DNAJC7: variants seen among roughly 807,000 people sequenced by gnomAD.
The protein encoded by DNAJC7 is DnaJ heat shock protein family (Hsp40) member C7.
DNAJC7 carries 18 observed loss-of-function variants against 67.4 expected under a neutral mutation model. The ratio of observed to expected loss-of-function variants is 0.27; its 90% CI spans 0.18 to 0.40. The LOEUF (loss-of-function observed/expected upper bound fraction) is 0.40. Ranked by LOEUF, DNAJC7 falls within the 10% of genes least tolerant of loss-of-function variation. The pLI, the probability that DNAJC7 is intolerant of heterozygous loss-of-function variation, is 1.00. For missense variants in DNAJC7, 419 were observed against 613.8 expected, an observed-to-expected ratio of 0.68 and a Z score of 3.35; for synonymous variants, 220 against 207.8, an observed-to-expected ratio of 1.06 and a Z score of -0.50.
At chr17:41,982,566 G>C (rs1226533448) in intron 10 of DNAJC7, among the ~76,000 whole-genome samples, 165 bp from the exon 11 acceptor site, 1 of 152,140 alleles carries the variant, frequency 6.6e-6, no homozygotes, top group Non-Finnish European at 1.5e-5. Context: ...GCCAGGCACG[G>C]TGACTCATGC....
At chr17:42,010,424 G>A (rs936042487) in intron 1 of DNAJC7, among the ~76,000 whole-genome samples, 14 of 152,016 alleles carry the variant, frequency 9.2e-5, no homozygotes, top group African/African-American at 3.1e-4. Flanking sequence ...CCCGGGAGGC[G>A]GAGGCTGCAG....
intron 12 of DNAJC7, 44 bp downstream of exon 12, chr17:41,981,811 T>G: frequency 6.2e-7 from 1 of 1,604,066 alleles, no homozygotes; most frequent in Non-Finnish European, 8.5e-7. Context: ...ATTCTAACAT[T>G]CTACAGCTGT....
At chr17:41,982,565 G>A (rs910835557) in intron 10 of DNAJC7, among the ~76,000 whole-genome samples, 164 bp from the exon 11 acceptor site, 1 of 152,090 alleles carries the variant, frequency 6.6e-6, no homozygotes, top group Non-Finnish European at 1.5e-5. Context: ...GGCCAGGCAC[G>A]GTGACTCATG....
At chr17:41,979,150 C>T (rs553646683) in intron 12 of DNAJC7, among the ~76,000 whole-genome samples, 38 of 151,850 alleles carry the variant, frequency 2.5e-4, no homozygotes, top group African/African-American at 9.2e-4. Context: ...ACCAGCCTGG[C>T]CAACATGGTG....
intron 2 of DNAJC7, among the ~76,000 whole-genome samples, chr17:41,998,105 C>G (rs926515195): frequency 6.6e-6 from 1 of 151,964 alleles, no homozygotes; most frequent in Non-Finnish European, 1.5e-5. Flanking sequence ...TCAAGTGATC[C>G]ATCTGCCTCA....
intron 1 of DNAJC7, chr17:42,017,104 T>G: frequency 7.0e-7 from 1 of 1,432,112 alleles, no homozygotes; most frequent in Non-Finnish European, 9.1e-7. Context: ...GATCGTCCTC[T>G]CAGCTGGAGA....
intron 4 of DNAJC7, among the ~76,000 whole-genome samples, chr17:41,995,685 C>A (rs568536155): frequency 6.6e-6 from 1 of 152,198 alleles, no homozygotes; most frequent in African/African-American, 2.4e-5. Context: ...TATGATTCTG[C>A]ACAATGACAA....
At chr17:42,013,689 G>A (rs939185472) in intron 1 of DNAJC7, 1 of 152,238 alleles carries the variant, frequency 6.6e-6, no homozygotes. Context: ...CAGGACACAT[G>A]AAAAACATAA....
intron 9 of DNAJC7, chr17:41,985,421 A>T (rs78189456): frequency 1.2e-5 from 1 of 86,680 alleles, no homozygotes; most frequent in African/African-American, 6.5e-5. Context: ...TCCTGAATTA[A>T]AAAAAAAAAA....
rs1288016871 is a variant in DNAJC7 at position 42,015,204 on chromosome 17, T to G, written c.77+2136A>C. 2.0e-5 allele frequency: 3 copies of G among 151,538 alleles called. 1 individual carries two copies. The highest frequency in any genetic ancestry group is 7.3e-5 in the African/African-American group (3 of 41,320). The allele number at this position is 151,538 out of a possible 1,614,324, so 9.4% of individuals were successfully genotyped here. On this transcript the variant is annotated intron_variant, in intron 1 of 13. Coordinates refer to ENST00000457167, the MANE Select transcript of DNAJC7 (RefSeq NM_003315.4). ...CATGTTGGCCATGCTGGTTTCAAAC[T>G]CCCGACCTCAGCTGACCCACCTGCC...
At chr17:41,980,012 A>G (rs1337226415) in intron 12 of DNAJC7, among the ~76,000 whole-genome samples, 1 of 151,936 alleles carries the variant, frequency 6.6e-6, no homozygotes, top group Non-Finnish European at 1.5e-5. Context: ...TCTTAGTGGA[A>G]GAGATGGTAG....
chr17:41,994,343 AAAC>A (rs1307773988), intron 5 of DNAJC7, among the ~76,000 whole-genome samples: 4 of 151,804 alleles, frequency 2.6e-5, no homozygotes, highest in East Asian at 1.9e-4. Flanking sequence ...CTCAAAAAAC[AAAC>A]AACAACAACA....
At chr17:41,995,014 C>CA in intron 4 of DNAJC7, 70 bp from the exon 5 acceptor site, 1 of 1,345,812 alleles carries the variant, frequency 7.4e-7, no homozygotes, top group Non-Finnish European at 1.1e-6. Flanking sequence ...AAAAAATTAA[C>CA]AAGGCCTTGA....
chr17:41,993,048 A>G (rs1555648003), intron 5 of DNAJC7, among the ~76,000 whole-genome samples: 1 of 152,272 alleles, frequency 6.6e-6, no homozygotes, highest in East Asian at 1.9e-4. Flanking sequence ...ACCAATGGAC[A>G]GAAGAGGGAT....
At chr17:41,978,381 T>C (rs1316612294) in intron 12 of DNAJC7, among the ~76,000 whole-genome samples, 1 of 152,142 alleles carries the variant, frequency 6.6e-6, no homozygotes. Flanking sequence ...CCCCAACACA[T>C]CTGAATAGCA....
chr17:41,988,595 G>GA, intron 8 of DNAJC7, 137 bp downstream of exon 8: 1 of 1,063,922 alleles, frequency 9.4e-7, no homozygotes, highest in Non-Finnish European at 1.3e-6. Flanking sequence ...TCTTGGAAGG[G>GA]AGTTCCTAAC....
intron 1 of DNAJC7, among the ~76,000 whole-genome samples, chr17:42,010,804 T>C (rs1338279696): frequency 6.6e-6 from 1 of 152,136 alleles, no homozygotes; most frequent in Non-Finnish European, 1.5e-5. Context: ...CCCACACAAA[T>C]TGTAAGTCAC....
rs115319424 is a variant in DNAJC7 at position 42,005,521 on chromosome 17, G to A, written c.78-4951C>T. Among the ~76,000 whole-genome samples the A allele has an allele frequency of 8.2e-3, 1,246 of 152,312 alleles. 20 individuals are homozygous for A. The highest frequency in any genetic ancestry group is 0.029 in the African/African-American group (1,191 of 41,568). The stretch of plus-strand genomic sequence containing the variant: ...TTAATTGTGTGGTAGTTTTTAAAAT[G>A]TCATTAACATGGCTGGGTTCTCTCT... On this transcript the variant is annotated intron_variant, in intron 1 of 13. Coordinates refer to ENST00000457167, the MANE Select transcript of DNAJC7 (RefSeq NM_003315.4).
chr17:42,004,249 C>T (rs371550386), intron 1 of DNAJC7, among the ~76,000 whole-genome samples: 45 of 152,154 alleles, frequency 3.0e-4, no homozygotes, highest in African/African-American at 1.1e-3. Context: ...TCAGCCACCA[C>T]GCCTGGCCAA....
Sources: gnomAD v4.1 joint callset for allele counts (sites outside exome capture counted in the v4.1 genomes callset) on GRCh38, gnomAD v4.1.1 for gene constraint, MANE v1.5 for transcripts, NCBI Gene and HGNC (gene_info 2026-07-23, HGNC 2026-07-21) for gene names.